The following TOP1MT variants were observed in gnomAD, a reference collection of about 807,000 sequenced individuals.
TOP1MT encodes the protein DNA topoisomerase I mitochondrial, also known as DNA topoisomerase I, mitochondrial.
A neutral mutation model predicts 73.9 loss-of-function variants in TOP1MT; 80 were observed. That is an observed-to-expected ratio of 1.08 (90% CI 0.90 to 1.30). The LOEUF is 1.30. TOP1MT is among the 50% of genes most tolerant of loss of function. The pLI is 0.00. For synonymous variants in TOP1MT, 338 were observed against 326.4 expected, an observed-to-expected ratio of 1.04 and a Z score of -0.38; for missense variants, 815 against 808.0, an observed-to-expected ratio of 1.01 and a Z score of -0.10.
chr8:143,321,926 T>TGCACGCCACACAC (rs1172248485), intron 7 of TOP1MT, among the ~76,000 whole-genome samples: 1,767 of 7,928 alleles, frequency 0.22, 155 homozygotes, highest in Middle Eastern at 0.3. Flanking sequence ...GCCACACACA[T>TGCACGCCACACAC]GCACGCCACA....
upstream of TOP1MT, among the ~76,000 whole-genome samples, chr8:143,349,556 A>C (rs1285634768): frequency 6.6e-6 from 1 of 152,052 alleles, no homozygotes; most frequent in Non-Finnish European, 1.5e-5. Flanking sequence ...CTTGGGACCA[A>C]AGACCACTCT....
intron 10 of TOP1MT, among the ~76,000 whole-genome samples, chr8:143,317,503 C>T (rs1816201580): frequency 3.3e-5 from 5 of 152,292 alleles, no homozygotes; most frequent in Middle Eastern, 6.8e-3. Flanking sequence ...GCAGGGAGAA[C>T]GTGGCTGGGA....
chr8:143,326,251 G>A lies in TOP1MT; in HGVS notation c.454C>T (p.Arg152Trp), dbSNP rs760204808. 16 of 1,613,842 alleles carry A rather than the reference G, an allele frequency of 9.9e-6. No individual in the cohort carries two copies. Among genetic ancestry groups the A allele is most frequent in the Middle Eastern group, 1.6e-4 (1 of 6,084 alleles). Residue 152 changes from arginine (R) to tryptophan (W), a missense_variant, in exon 4 of 14, where the codon CGG (arginine) becomes TGG (tryptophan). This residue lies in a region of TOP1MT where 751 missense variants were observed against 725.4 expected (regional missense o/e 1.04). Transcript: ENST00000329245. ...TTCTCCTCCCTGCTCAGGACTTTCC[G>A]GGCTGCGGCCTTGTCCACAAAGTAT... Reference protein sequence around the residue: ...HRYFVDKAAARKVLSREEKQK... With the variant: ...HRYFVDKAAAWKVLSREEKQK...
In TOP1MT at chr8:143,316,074, G is replaced by A. The variant is rs375811072; in HGVS notation, c.1383C>T (p.Val461=). The change falls in exon 11 of 14, where the codon GTC becomes GTT. Residue 461 remains valine, a synonymous_variant. Coordinates refer to ENST00000329245, the MANE Select transcript of TOP1MT (RefSeq NM_052963.3). ...GCTGATGGTTGCAGAGAATGGCCAC[G>A]ACTCGGTTGGCTCGGTTGTAGGATA... ...KILSYNRANR[V]VAILCNHQRA... is the part of the protein sequence containing the mutation. The A allele has an allele frequency of 2.7e-5, 44 of 1,614,148 alleles. No individual in the cohort carries two copies. The highest frequency in any genetic ancestry group is 1.6e-4 in the Middle Eastern group (1 of 6,062).
chr8:143,338,251 A>G (rs1817016294), upstream of TOP1MT, among the ~76,000 whole-genome samples: 1 of 152,140 alleles, frequency 6.6e-6, no homozygotes, highest in African/African-American at 2.4e-5. Context: ...AGCCTGAACA[A>G]CAGGCTCCAT....
upstream of TOP1MT, among the ~76,000 whole-genome samples, chr8:143,337,111 G>A (rs551406613): frequency 1.1e-4 from 17 of 152,262 alleles, no homozygotes; most frequent in South Asian, 6.2e-4. Flanking sequence ...CCATGTTCAC[G>A]GACTGGATGA....
chr8:143,322,983 C>A (rs1816548887), intron 7 of TOP1MT, among the ~76,000 whole-genome samples: 1 of 118,104 alleles, frequency 8.5e-6, no homozygotes. Context: ...GCACGCACGC[C>A]ACACACGCAC....
intron 1 of TOP1MT, 21 bp from the exon 2 acceptor site, chr8:143,331,360 T>C (rs1816850535): frequency 6.3e-7 from 1 of 1,599,352 alleles, no homozygotes; most frequent in Admixed American, 1.7e-5. Flanking sequence ...AGACAGGACG[T>C]GTCACTCTCC....
At chr8:143,316,791 G>A (rs1816176896) in intron 10 of TOP1MT, among the ~76,000 whole-genome samples, 1 of 152,196 alleles carries the variant, frequency 6.6e-6, no homozygotes, top group African/African-American at 2.4e-5. Flanking sequence ...CGCCCATCCT[G>A]CATGGCCCAC....
intron 12 of TOP1MT, among the ~76,000 whole-genome samples, chr8:143,312,348 A>G (rs1385476371): frequency 6.6e-6 from 1 of 152,230 alleles, no homozygotes; most frequent in Non-Finnish European, 1.5e-5. Flanking sequence ...GAATCCAGCA[A>G]TAGACAAAAA....
At chr8:143,327,344 C>G (rs994593885) in intron 3 of TOP1MT, 4 of 152,490 alleles carry the variant, frequency 2.6e-5, no homozygotes, top group Non-Finnish European at 5.9e-5. Flanking sequence ...TTTCTCCTTT[C>G]GTTTCCTACA....
rs200113400 is a variant in TOP1MT, at chr8:143,329,482, C to A, written c.239-11G>T. 1 of 1,605,986 alleles carries A rather than the reference C, an allele frequency of 6.2e-7. No homozygotes were observed. The highest frequency in any genetic ancestry group is 1.3e-5 in the African/African-American group (1 of 74,276). On this transcript the variant is annotated splice_polypyrimidine_tract_variant and intron_variant, in intron 2 of 13. Transcript: ENST00000329245. ...ATCTCACAGGCCTTCCTGCAGGCATCGGAAGACACATCGTATGAGAGAGCG... is the reference window on the plus strand; with the variant it reads ...ATCTCACAGGCCTTCCTGCAGGCATAGGAAGACACATCGTATGAGAGAGCG...
At chr8:143,322,667 C>CAA (rs1204278790) in intron 7 of TOP1MT, among the ~76,000 whole-genome samples, 10 of 92,256 alleles carry the variant, frequency 1.1e-4, no homozygotes, top group African/African-American at 3.3e-4. Context: ...CACACGCACG[C>CAA]CACACACGCA....
intron 2 of TOP1MT, chr8:143,343,143 T>A: frequency 2.2e-6 from 1 of 455,346 alleles, no homozygotes; most frequent in East Asian, 7.0e-5. Context: ...AGAATAAGCA[T>A]TCATCAGGCA....
intron 1 of TOP1MT, chr8:143,355,347 T>C (rs1817390869): frequency 6.6e-6 from 1 of 152,234 alleles, no homozygotes; most frequent in Non-Finnish European, 1.5e-5. Flanking sequence ...CGCGAATGGA[T>C]GCATGCAGCC....
Position 143,326,315 on chromosome 8 carries a change from G to A in TOP1MT, c.390C>T (p.Ile130=). ...TGAAGTCACACTTGTCCAGGCTCTT[G>A]ATGACTTCCCTCTCTTCCACCGCCA... is the stretch of plus-strand genomic sequence containing the variant. ...KEMAVEEREV[I]KSLDKCDFTE... Residue 130 remains isoleucine, a synonymous_variant, in exon 4 of 14, where the codon ATC becomes ATT. Coordinates refer to ENST00000329245, the MANE Select transcript of TOP1MT (RefSeq NM_052963.3). 6.2e-7 allele frequency: 1 copy of A among 1,614,024 alleles called. No homozygotes were observed. The highest frequency in any genetic ancestry group is 8.5e-7 in the Non-Finnish European group (1 of 1,180,000).
chr8:143,340,816 AC>A (rs564875117), intron 2 of TOP1MT, among the ~76,000 whole-genome samples: 230 of 152,134 alleles, frequency 1.5e-3, no homozygotes, highest in African/African-American at 5.4e-3. Context: ...CTTTTGTGCC[AC>A]TACCTAATTT....
chr8:143,323,233 G>C (rs1465325354), intron 7 of TOP1MT, among the ~76,000 whole-genome samples: 18 of 28,602 alleles, frequency 6.3e-4, no homozygotes, highest in South Asian at 1.2e-3. Flanking sequence ...GCCACACACA[G>C]GCACGCCACA....
intron 4 of TOP1MT, among the ~76,000 whole-genome samples, 180 bp from the exon 5 acceptor site, chr8:143,325,713 G>C (rs1420661333): frequency 4.6e-5 from 7 of 152,178 alleles, no homozygotes; most frequent in Non-Finnish European, 8.8e-5. Context: ...CTTGCAGGGG[G>C]CACCGAGAGC....
Sources: allele counts gnomAD v4.1 joint callset (sites outside exome capture counted in the v4.1 genomes callset), GRCh38; gene constraint gnomAD v4.1.1; regional missense constraint gnomAD v4.1.1; transcripts MANE v1.5; gene names NCBI Gene and HGNC (gene_info 2026-07-23, HGNC 2026-07-21).